ZNF322: variants seen among roughly 807,000 people sequenced by gnomAD.
ZNF322 encodes zinc finger protein 322.
Under a neutral mutation model 18.3 loss-of-function variants are expected in ZNF322, and 1 was observed. That is an observed-to-expected ratio of 0.05 (90% confidence interval 0.02 to 0.26). The LOEUF is 0.26. Among genes scored for constraint, ZNF322 ranks in the 10% least tolerant of loss-of-function variants. The probability of loss-of-function intolerance (pLI) is 1.00; values close to 1 mark genes in which losing one functional copy is unlikely to be tolerated. For missense variants in ZNF322, 36 were observed against 403.6 expected (o/e 0.09, Z 7.80); for synonymous variants, 17 against 130.7 (o/e 0.13, Z 5.93).
At chr6:26,657,439 C>T (rs1765801734) in intron 2 of ZNF322, among the ~76,000 whole-genome samples, 1 of 152,122 alleles carries the variant, frequency 6.6e-6, no homozygotes, top group African/African-American at 2.4e-5. Flanking sequence ...ATGCAGCTTA[C>T]TCCTTTATTG....
chr6:26,655,956 T>C (rs1326051266), intron 2 of ZNF322, among the ~76,000 whole-genome samples: 1 of 152,184 alleles, frequency 6.6e-6, no homozygotes, highest in Non-Finnish European at 1.5e-5. Flanking sequence ...GGTATTCTGT[T>C]ATAGCAGCCC....
chr6:26,658,350 G>A (rs1015731119), intron 2 of ZNF322, among the ~76,000 whole-genome samples: 17 of 151,634 alleles, frequency 1.1e-4, no homozygotes, highest in Non-Finnish European at 2.1e-4. Context: ...AGCCTAATGT[G>A]AATATGCATG....
At chr6:26,654,672 GT>G (rs1273710159) in intron 2 of ZNF322, among the ~76,000 whole-genome samples, 4 of 151,730 alleles carry the variant, frequency 2.6e-5, no homozygotes, top group Non-Finnish European at 4.4e-5. Context: ...AGAAGGGAAA[GT>G]TTTTTTGCAT....
intron 2 of ZNF322, among the ~76,000 whole-genome samples, chr6:26,649,673 GTGTA>G (rs1437510217): frequency 1.3e-3 from 39 of 29,360 alleles, no homozygotes; most frequent in East Asian, 3.7e-3. Flanking sequence ...GTGTGTGTGT[GTGTA>G]TATATATATA....
intron 2 of ZNF322, among the ~76,000 whole-genome samples, chr6:26,654,658 G>A (rs963109340): frequency 6.6e-6 from 1 of 151,878 alleles, no homozygotes; most frequent in Non-Finnish European, 1.5e-5. Flanking sequence ...AAAAAAAAGT[G>A]TATAGAAGGG....
intron 1 of ZNF322, 114 bp from the exon 2 acceptor site, chr6:26,658,760 C>T (rs1450078288): frequency 6.5e-6 from 1 of 153,656 alleles, no homozygotes; most frequent in African/African-American, 2.4e-5. Context: ...AGTGAGCATC[C>T]TTCAACCATA....
In ZNF322 at chr6:26,649,667, GTGTGTGTGTA is replaced by G. The variant is rs1352288014; in HGVS notation, c.-245-5949_-245-5940del. Among the ~76,000 whole-genome samples, 416 of 44,154 alleles carry G rather than the reference GTGTGTGTGTA, an allele frequency of 9.4e-3. 7 individuals are homozygous for G. The highest frequency in any genetic ancestry group is 0.03 in the African/African-American group (341 of 11,464). 29.0% of individuals were successfully genotyped at this position (44,154 alleles called of 152,430 possible). A position where few individuals can be genotyped will look rare whatever the true frequency, so the allele number is the denominator to read the frequency against. ...TGTGTGTGTGTGTGTGTGTGTGTGT[GTGTGTGTGTA>G]TATATATATATATATATATATATAT... On this transcript the variant is annotated intron_variant, in intron 2 of 3. Transcript: ENST00000415922.
chr6:26,649,981 G>A (rs148351877), intron 2 of ZNF322, among the ~76,000 whole-genome samples: 121 of 151,748 alleles, frequency 8.0e-4, no homozygotes, highest in African/African-American at 2.8e-3. Flanking sequence ...GGGATTACAG[G>A]CGTGCGCCAC....
At chr6:26,649,655 GTGTGTGTGTGTGTGTGTGTGTA>G (rs1765618950) in intron 2 of ZNF322, among the ~76,000 whole-genome samples, 1 of 42,692 alleles carries the variant, frequency 2.3e-5, no homozygotes, top group Non-Finnish European at 4.7e-5. Context: ...GTGTGTGTGT[GTGTGTGTGTGTGTGTGTGTGTA>G]TATATATATA....
At chr6:26,650,487 AG>A (rs1200039008) in intron 2 of ZNF322, 1 of 152,222 alleles carries the variant, frequency 6.6e-6, no homozygotes, top group Non-Finnish European at 1.5e-5. Flanking sequence ...GAGATTAGGA[AG>A]GAAGAAATAA....
intron 2 of ZNF322, among the ~76,000 whole-genome samples, chr6:26,647,877 CTTTTT>C (rs34835436): frequency 7.0e-6 from 1 of 142,718 alleles, no homozygotes. Context: ...TCCAATATCG[CTTTTT>C]TTTTTTTTTT....
chr6:26,649,675 G>GTGTATATA (rs1465971500), intron 2 of ZNF322, among the ~76,000 whole-genome samples: 481 of 22,854 alleles, frequency 0.021, 3 homozygotes, highest in Non-Finnish European at 0.028. Flanking sequence ...GTGTGTGTGT[G>GTGTATATA]TATATATATA....
chr6:26,638,965 C>T lies in ZNF322; in HGVS notation c.-175-237G>A, dbSNP rs563876173. Among the ~76,000 whole-genome samples, 14 of 152,254 alleles carry T rather than the reference C, an allele frequency of 9.2e-5. No individual in the cohort carries two copies. In the South Asian group the frequency reaches 2.7e-3, roughly 29 times the overall value. On this transcript the variant is annotated intron_variant, in intron 3 of 3. Transcript: ENST00000415922. ...CTCTATGAATCTGGGTAATTTTAAA[C>T]AAGAGCTCTTCATCTTTCCTTGCTT...
chr6:26,655,099 C>A (rs1285869527), intron 2 of ZNF322, among the ~76,000 whole-genome samples: 4 of 152,010 alleles, frequency 2.6e-5, no homozygotes, highest in Admixed American at 6.6e-5. Flanking sequence ...CCTAAATATT[C>A]AAAAAATGTC....
intron 2 of ZNF322, among the ~76,000 whole-genome samples, chr6:26,645,791 G>C (rs1765547732): frequency 1.3e-5 from 2 of 152,038 alleles, no homozygotes; most frequent in South Asian, 4.2e-4. Context: ...CCGCACTTTG[G>C]GAGACCGAGG....
chr6:26,648,800 G>C (rs573776461), intron 2 of ZNF322, among the ~76,000 whole-genome samples: 1 of 152,296 alleles, frequency 6.6e-6, no homozygotes, highest in South Asian at 2.1e-4. Context: ...CGAATAAATG[G>C]AAGGACAGCC....
chr6:26,642,963 T>A lies in ZNF322; in HGVS notation c.-176+696A>T, dbSNP rs141025332. On this transcript the variant is annotated intron_variant, in intron 3 of 3. Transcript: ENST00000415922. ...AAAACACATCCAGAGTCTAACCACT[T>A]CTCACCAGCTTCTGTTGTTACATTC... 7.2e-5 allele frequency among the ~76,000 whole-genome samples: 11 copies of A among 152,330 alleles called. No individual in the cohort carries two copies. The East Asian group carries it at 2.1e-3, about 29-fold the overall frequency.
intron 2 of ZNF322, among the ~76,000 whole-genome samples, chr6:26,652,488 A>G (rs1368359102): frequency 6.6e-6 from 1 of 152,300 alleles, no homozygotes; most frequent in Non-Finnish European, 1.5e-5. Context: ...GAGGAGTTCG[A>G]GATCAGCCTG....
intron 2 of ZNF322, among the ~76,000 whole-genome samples, chr6:26,645,414 T>C (rs1457968153): frequency 3.9e-5 from 6 of 152,190 alleles, no homozygotes; most frequent in Middle Eastern, 6.8e-3. Flanking sequence ...CTAAAATTCA[T>C]TGCCAGAAAG....
Sources: allele counts gnomAD v4.1 joint callset (sites outside exome capture counted in the v4.1 genomes callset), GRCh38; gene constraint gnomAD v4.1.1; transcripts MANE v1.5; gene names NCBI Gene and HGNC (gene_info 2026-07-23, HGNC 2026-07-21).